C4orf50: variants seen among roughly 807,000 people sequenced by gnomAD.
C4orf50 encodes uncharacterized protein C4orf50.
In C4orf50, 80 loss-of-function variants were observed where a neutral mutation model predicts 77.2. The observed-to-expected ratio is 1.04, with a 90% confidence interval of 0.87 to 1.25. The LOEUF is 1.25. C4orf50 is among the 50% of genes most tolerant of loss of function. The pLI, the probability that C4orf50 is intolerant of heterozygous loss-of-function variation, is 0.00. For synonymous variants in C4orf50, 532 were observed against 465.3 expected, an observed-to-expected ratio of 1.14 and a Z score of -1.84; for missense variants, 1,257 against 1,152.9, an observed-to-expected ratio of 1.09 and a Z score of -1.31.
intron 7 of C4orf50, among the ~76,000 whole-genome samples, chr4:5,928,654 G>A (rs1197312871): frequency 1.3e-5 from 2 of 152,218 alleles, no homozygotes; most frequent in African/African-American, 2.4e-5. Context: ...CCTGGGGCCA[G>A]AAGGCATTCT....
Position 5,909,226 on chromosome 4 carries a change from GACC to G in C4orf50, c.*2475-11041_*2475-11039del, listed in dbSNP as rs376885672. Among the ~76,000 whole-genome samples the G allele has an allele frequency of 3.9e-5, 6 of 152,254 alleles. 1 individual carries two copies. Among genetic ancestry groups the G allele is most frequent in the African/African-American group, 1.4e-4 (6 of 41,546 alleles). On this transcript the variant is annotated intron_variant, in intron 7 of 7. Coordinates refer to the C4orf50 transcript ENST00000324058. The stretch of plus-strand genomic sequence containing the variant: ...TTCAAACCCTTCTACGTCATGCAGG[GACC>G]ACATGACCTCCTTGCAGGCTGAGCA...
At chr4:5,983,303 G>C (rs1720696857) in intron 28 of C4orf50, among the ~76,000 whole-genome samples, 1 of 152,180 alleles carries the variant, frequency 6.6e-6, no homozygotes, top group Admixed American at 6.5e-5. Context: ...CCAAACAAGG[G>C]CCTGCAAGCC....
chr4:5,962,041 C>T (rs1220414594), intron 33 of C4orf50, among the ~76,000 whole-genome samples: 3 of 152,170 alleles, frequency 2.0e-5, no homozygotes, highest in Non-Finnish European at 1.5e-5. Context: ...GAGCTCTGTT[C>T]CCAAATGCTC....
chr4:5,968,116 C>T (rs1056831741), intron 31 of C4orf50, among the ~76,000 whole-genome samples: 4 of 152,352 alleles, frequency 2.6e-5, no homozygotes, highest in South Asian at 2.1e-4. Context: ...TTTCCTGTCT[C>T]CACTTCCAAC....
intron 28 of C4orf50, among the ~76,000 whole-genome samples, chr4:5,985,289 A>AT (rs1198305961): frequency 6.6e-6 from 1 of 152,180 alleles, no homozygotes; most frequent in East Asian, 1.9e-4. Flanking sequence ...AAGAAAGAAC[A>AT]GAATAAGAAC....
At chr4:5,924,049 A>G (rs1717403658) in intron 7 of C4orf50, among the ~76,000 whole-genome samples, 1 of 152,138 alleles carries the variant, frequency 6.6e-6, no homozygotes, top group Non-Finnish European at 1.5e-5. Context: ...TGGGACCTAC[A>G]CCAGTGGTTT....
exon 31 of C4orf50, chr4:5,973,813 C>A (rs754736478): frequency 6.2e-7 from 1 of 1,612,664 alleles, no homozygotes; most frequent in Admixed American, 1.7e-5. Flanking sequence ...CCTCTCCCGG[C>A]ACTTCCGGAC....
chr4:5,897,778 A>G (rs1424563712), exon 8 of C4orf50: 1 of 152,236 alleles, frequency 6.6e-6, no homozygotes, highest in East Asian at 1.9e-4. Flanking sequence ...CCCGACCCAC[A>G]ACTGGTCAGG....
At chr4:5,906,218 T>A (rs1716544405) in intron 7 of C4orf50, among the ~76,000 whole-genome samples, 1 of 144,424 alleles carries the variant, frequency 6.9e-6, no homozygotes, top group Non-Finnish European at 1.5e-5. Context: ...GATGTTGGCA[T>A]GGAGAGAAGT....
At chr4:6,013,749 T>C (rs1213785575) in intron 23 of C4orf50, among the ~76,000 whole-genome samples, 1 of 152,148 alleles carries the variant, frequency 6.6e-6, no homozygotes, top group Non-Finnish European at 1.5e-5. Context: ...AACCCAGGAA[T>C]GCAGCTCTAG....
At chr4:6,010,666 C>A (rs1269895593) in intron 24 of C4orf50, among the ~76,000 whole-genome samples, 2 of 152,178 alleles carry the variant, frequency 1.3e-5, no homozygotes, top group African/African-American at 4.8e-5. Flanking sequence ...GTTTGAAAAT[C>A]CCTGGCTGCA....
At chr4:6,010,536 C>T (rs771344781) in intron 24 of C4orf50, among the ~76,000 whole-genome samples, 2 of 152,184 alleles carry the variant, frequency 1.3e-5, no homozygotes, top group Non-Finnish European at 2.9e-5. Flanking sequence ...CTCAAAACAG[C>T]ACTCCCTCTA....
At chr4:5,906,714 A>G (rs1180981166) in intron 7 of C4orf50, among the ~76,000 whole-genome samples, 1 of 152,148 alleles carries the variant, frequency 6.6e-6, no homozygotes, top group East Asian at 1.9e-4. Context: ...ATCCATCCCA[A>G]GGGTGTTAGT....
chr4:5,963,481 T>C (rs763004150), intron 33 of C4orf50, among the ~76,000 whole-genome samples: 3 of 152,198 alleles, frequency 2.0e-5, no homozygotes, highest in Non-Finnish European at 4.4e-5. Context: ...TAATACCTCC[T>C]CTATTTTTGA....
At chr4:5,998,546 C>T (rs752226808) in intron 25 of C4orf50, among the ~76,000 whole-genome samples, 7 of 152,324 alleles carry the variant, frequency 4.6e-5, no homozygotes, top group East Asian at 3.9e-4. Context: ...TAGAGGCTGG[C>T]GGGATCATCC....
chr4:6,004,032 AGTGATGATGG>A (rs1722026930), intron 25 of C4orf50, among the ~76,000 whole-genome samples: 1 of 61,124 alleles, frequency 1.6e-5, no homozygotes, highest in East Asian at 8.8e-4. Context: ...ATAATGTGAT[AGTGATGATGG>A]TGATGGTGAT....
At chr4:5,924,485 C>A (rs1717422523) in intron 7 of C4orf50, among the ~76,000 whole-genome samples, 1 of 152,166 alleles carries the variant, frequency 6.6e-6, no homozygotes, top group Admixed American at 6.5e-5. Context: ...GAGCAGAGAG[C>A]AGGAAAGGCC....
chr4:5,965,129 C>G, exon 33 of C4orf50: 4 of 1,612,958 alleles, frequency 2.5e-6, no homozygotes, highest in Non-Finnish European at 3.4e-6. Context: ...TTTCAGGATT[C>G]AAGAGGTATG....
chr4:5,913,690 C>T (rs899434291), intron 7 of C4orf50, among the ~76,000 whole-genome samples: 5 of 152,130 alleles, frequency 3.3e-5, no homozygotes, highest in South Asian at 4.2e-4. Context: ...GTGTATTGAT[C>T]CTATTTAGAA....
Sources: gnomAD v4.1 joint callset for allele counts (sites outside exome capture counted in the v4.1 genomes callset) on GRCh38, gnomAD v4.1.1 for gene constraint, MANE v1.5 for transcripts, NCBI Gene and HGNC (gene_info 2026-07-23, HGNC 2026-07-21) for gene names.